Variants in PKP4 observed in about 807,000 individuals in gnomAD.
PKP4 encodes plakophilin-4.
A neutral mutation model predicts 145.1 loss-of-function variants in PKP4; 90 were observed. That is an observed-to-expected ratio of 0.62 (90% CI 0.52 to 0.74). The LOEUF (loss-of-function observed/expected upper bound fraction) is 0.74, where lower values mean the gene tolerates loss of function less well. Among genes scored for constraint, PKP4 ranks in the 30% least tolerant of loss-of-function variants. PKP4 has a pLI of 0.00. For missense variants in PKP4, 1,340 were observed against 1,482.7 expected, an observed-to-expected ratio of 0.90 and a Z score of 1.58; for synonymous variants, 563 against 577.2, an observed-to-expected ratio of 0.98 and a Z score of 0.35.
At chr2:158,651,043 G>C (rs1333622320) in intron 11 of PKP4, among the ~76,000 whole-genome samples, 1 of 152,142 alleles carries the variant, frequency 6.6e-6, no homozygotes, top group Non-Finnish European at 1.5e-5. Flanking sequence ...ACCACAACTT[G>C]TTTTCCTCAG....
Position 158,529,214 on chromosome 2 carries a change from G to A in PKP4, c.-5-3966G>A, listed in dbSNP as rs115189419. Among the ~76,000 whole-genome samples the A allele has an allele frequency of 2.8e-3, 425 of 152,254 alleles. 3 individuals are homozygous for A. Among genetic ancestry groups the A allele is most frequent in the African/African-American group, 9.8e-3 (408 of 41,552 alleles). On this transcript the variant is annotated intron_variant, in intron 1 of 21. Transcript: ENST00000389759. The stretch of plus-strand genomic sequence containing the variant: ...CTTTAATTTTGATTCCAAATATAAA[G>A]ACAGTAATAATACAGGTTAATACAC...
At chr2:158,597,108 C>G (rs1261665451) in intron 3 of PKP4, among the ~76,000 whole-genome samples, 5 of 152,170 alleles carry the variant, frequency 3.3e-5, no homozygotes, top group Non-Finnish European at 7.3e-5. Context: ...TCAGAGTCCT[C>G]TCTTGTAGAA....
chr2:158,676,448 A>T (rs1398936971), intron 19 of PKP4, among the ~76,000 whole-genome samples: 1 of 152,090 alleles, frequency 6.6e-6, no homozygotes, highest in Non-Finnish European at 1.5e-5. Context: ...GGAAAGCTGC[A>T]TGATCTCTAC....
intron 11 of PKP4, among the ~76,000 whole-genome samples, chr2:158,645,821 A>G (rs2054771072): frequency 6.6e-6 from 1 of 152,208 alleles, no homozygotes. Context: ...TGTAAGATTT[A>G]GTGTTAAACA....
intron 3 of PKP4, among the ~76,000 whole-genome samples, chr2:158,599,028 A>C (rs913715106): frequency 6.6e-6 from 1 of 152,188 alleles, no homozygotes; most frequent in Non-Finnish European, 1.5e-5. Context: ...TTGTGTGGGA[A>C]AGGGCACACT....
At chr2:158,604,910 T>C (rs1010830017) in intron 4 of PKP4, among the ~76,000 whole-genome samples, 1 of 152,186 alleles carries the variant, frequency 6.6e-6, no homozygotes, top group Non-Finnish European at 1.5e-5. Flanking sequence ...AGAGAAAGCA[T>C]GCCTGAAACC....
chr2:158,628,169 C>T lies in PKP4; in HGVS notation c.1153+2742C>T, dbSNP rs1203308283. On this transcript the variant is annotated intron_variant, in intron 7 of 21. Coordinates refer to ENST00000389759, the MANE Select transcript of PKP4 (RefSeq NM_003628.6). ...CTAATTTTTGTATTTTTAGTAGAGA[C>T]GGGTTTTCACCATGTTGGCCAGGAT... Among the ~76,000 whole-genome samples the T allele has an allele frequency of 4.3e-4, 65 of 151,668 alleles. 1 individual carries two copies. Among genetic ancestry groups the T allele is most frequent in the Non-Finnish European group, 2.9e-5 (2 of 67,924 alleles).
At chr2:158,473,427 G>T (rs1289536145) in intron 1 of PKP4, among the ~76,000 whole-genome samples, 3 of 152,204 alleles carry the variant, frequency 2.0e-5, no homozygotes, top group Non-Finnish European at 4.4e-5. Context: ...ATCAGTGGCA[G>T]ATTGGATAAA....
intron 3 of PKP4, among the ~76,000 whole-genome samples, chr2:158,577,813 G>GA (rs750765806): frequency 1.3e-5 from 2 of 152,070 alleles, no homozygotes; most frequent in African/African-American, 2.4e-5. Context: ...AGAACTCTAT[G>GA]AATCTACCAC....
chr2:158,613,180 T>C (rs1337910693), intron 4 of PKP4, among the ~76,000 whole-genome samples: 2 of 152,092 alleles, frequency 1.3e-5, no homozygotes, highest in East Asian at 1.9e-4. Flanking sequence ...CAGGCGTCAG[T>C]GGGGTTTAAC....
At chr2:158,463,412 G>GAA (rs137946075) in intron 1 of PKP4, among the ~76,000 whole-genome samples, 8 of 113,422 alleles carry the variant, frequency 7.1e-5, no homozygotes, top group African/African-American at 1.1e-4. Flanking sequence ...GATCACAGTT[G>GAA]AAAAAAAAAA....
chr2:158,563,830 T>G (rs1052929150), intron 2 of PKP4, among the ~76,000 whole-genome samples: 1 of 152,178 alleles, frequency 6.6e-6, no homozygotes, highest in Non-Finnish European at 1.5e-5. Context: ...TGATGTGTTG[T>G]TTCCAATTGT....
chr2:158,596,922 C>G (rs1486820424), intron 3 of PKP4, among the ~76,000 whole-genome samples: 1 of 152,196 alleles, frequency 6.6e-6, no homozygotes, highest in Admixed American at 6.5e-5. Flanking sequence ...CTGGGGACTT[C>G]ATGTTCAGAT....
At chr2:158,631,086 C>T (rs1474486298) in intron 7 of PKP4, among the ~76,000 whole-genome samples, 2 of 151,956 alleles carry the variant, frequency 1.3e-5, no homozygotes, top group African/African-American at 2.4e-5. Flanking sequence ...TATAGGCTCC[C>T]GCCACCACGC....
intron 2 of PKP4, among the ~76,000 whole-genome samples, chr2:158,576,750 A>G (rs1351312282): frequency 6.6e-6 from 1 of 152,200 alleles, no homozygotes; most frequent in African/African-American, 2.4e-5. Flanking sequence ...TTTGTTGGTT[A>G]TATTATAGAT....
chr2:158,494,777 C>T (rs1695438655), intron 1 of PKP4, among the ~76,000 whole-genome samples: 1 of 152,120 alleles, frequency 6.6e-6, no homozygotes. Context: ...GATATTTAAA[C>T]TGTTTTGAGC....
intron 1 of PKP4, among the ~76,000 whole-genome samples, chr2:158,486,226 A>G (rs1348387793): frequency 6.6e-6 from 1 of 152,262 alleles, no homozygotes; most frequent in Non-Finnish European, 1.5e-5. Flanking sequence ...TGGATATGAT[A>G]TAAGGAGAAA....
Position 158,625,123 on chromosome 2 carries a change from AGCT to A in PKP4, c.850_852del (p.Ala284del). On this transcript the variant is annotated inframe_deletion, in exon 7 of 22. Transcript: ENST00000389759. ...ACTCACAGAGACCCGCCTCCCCAAC[AGCT>A]ATACGGCGGATTGGGTCAGTCACCT... 4 of 1,614,148 alleles carry A rather than the reference AGCT, an allele frequency of 2.5e-6. No homozygotes were observed. Among genetic ancestry groups the A allele is most frequent in the Non-Finnish European group, 3.4e-6 (4 of 1,180,016 alleles).
At chr2:158,508,006 C>T (rs753607575) in intron 1 of PKP4, among the ~76,000 whole-genome samples, 1 of 152,034 alleles carries the variant, frequency 6.6e-6, no homozygotes, top group Non-Finnish European at 1.5e-5. Context: ...AAGGTATGTT[C>T]AGTTTCCCCC....
Sources: gnomAD v4.1 joint callset for allele counts (sites outside exome capture counted in the v4.1 genomes callset) on GRCh38, gnomAD v4.1.1 for gene constraint, MANE v1.5 for transcripts, NCBI Gene and HGNC (gene_info 2026-07-23, HGNC 2026-07-21) for gene names.